Variants in CCSER1 observed in about 807,000 individuals in gnomAD.
CCSER1 encodes coiled-coil serine rich protein 1, also known as serine-rich coiled-coil domain-containing protein 1.
In CCSER1, 41 loss-of-function variants were observed where a neutral mutation model predicts 82.0. The ratio of observed to expected loss-of-function variants is 0.50; its 90% CI spans 0.39 to 0.65. The LOEUF (loss-of-function observed/expected upper bound fraction) is 0.65, where lower values mean the gene tolerates loss of function less well. CCSER1 is among the 30% of genes least tolerant of loss of function. The probability of loss-of-function intolerance (pLI) is 0.00; values close to 1 mark genes in which losing one functional copy is unlikely to be tolerated. For missense variants in CCSER1, 1,119 were observed against 1,064.2 expected (o/e 1.05, Z -0.72); for synonymous variants, 414 against 383.9 (o/e 1.08, Z -0.92).
intron 7 of CCSER1, among the ~76,000 whole-genome samples, chr4:90,785,812 A>T (rs191048809): frequency 6.6e-6 from 1 of 152,308 alleles, no homozygotes; most frequent in South Asian, 2.1e-4. Context: ...TAATGAACAA[A>T]ATGAGTATTG....
At chr4:91,512,238 C>A (rs994365403) in intron 10 of CCSER1, among the ~76,000 whole-genome samples, 1 of 152,152 alleles carries the variant, frequency 6.6e-6, no homozygotes, top group Non-Finnish European at 1.5e-5. Flanking sequence ...CAGACCCACC[C>A]TCAATCTGGA....
intron 10 of CCSER1, among the ~76,000 whole-genome samples, chr4:91,213,899 T>C (rs963722286): frequency 1.3e-5 from 2 of 152,134 alleles, no homozygotes; most frequent in Admixed American, 6.5e-5. Flanking sequence ...TAACTGTTAT[T>C]ACTGTGCTTG....
At chr4:90,645,054 C>T (rs1489311722) in intron 6 of CCSER1, among the ~76,000 whole-genome samples, 1 of 150,874 alleles carries the variant, frequency 6.6e-6, no homozygotes, top group Non-Finnish European at 1.5e-5. Context: ...TGCACTCCAG[C>T]CTGGGCAACA....
chr4:90,288,269 C>T (rs2153464230), intron 1 of CCSER1, among the ~76,000 whole-genome samples: 1 of 152,038 alleles, frequency 6.6e-6, no homozygotes, highest in African/African-American at 2.4e-5. Context: ...CCTTTACTCA[C>T]ACTGCTACTT....
chr4:90,574,251 A>ATTTTTTTTTTTTTTTTTTT (rs777629017), intron 5 of CCSER1, among the ~76,000 whole-genome samples: 5 of 86,074 alleles, frequency 5.8e-5, no homozygotes, highest in African/African-American at 3.0e-4. Context: ...AAACACATTA[A>ATTTTTTTTTTTTTTTTTTT]TTTTTTTTTT....
At position 90,400,115 on chromosome 4, in the gene CCSER1, G is replaced by A. The variant is rs1283015058; in HGVS notation, c.1589G>A (p.Ser530Asn). 4 of 1,587,386 alleles carry A rather than the reference G, an allele frequency of 2.5e-6. No individual in the cohort carries two copies. Among genetic ancestry groups the A allele is most frequent in the Non-Finnish European group, 2.6e-6 (3 of 1,156,994 alleles). The change falls in exon 4 of 11, where the codon AGT becomes AAT. Residue 530 changes from serine to asparagine, a missense_variant. Coordinates refer to ENST00000509176, the MANE Select transcript of CCSER1 (RefSeq NM_001145065.2). ...MLDLEFLEEQ[S>N]LHPSVCREDS... ...GATCTTGAATTTTTAGAGGAACAGA[G>A]TCTTCACCCTTCTGGTAAGTGTTAA...
chr4:91,330,366 G>T (rs1380381112), intron 10 of CCSER1, among the ~76,000 whole-genome samples: 3 of 152,120 alleles, frequency 2.0e-5, no homozygotes, highest in Non-Finnish European at 4.4e-5. Context: ...TTCAAGTCAT[G>T]GTGCTTCAAG....
intron 9 of CCSER1, among the ~76,000 whole-genome samples, chr4:91,038,611 T>G (rs574883233): frequency 1.4e-4 from 21 of 152,204 alleles, no homozygotes; most frequent in Non-Finnish European, 2.6e-4. Context: ...GATCCTGGAC[T>G]TGATATTCCA....
Position 91,183,558 on chromosome 4 carries a change from G to A in CCSER1, c.2217+97564G>A, listed in dbSNP as rs1581729163. 3.9e-5 allele frequency among the ~76,000 whole-genome samples: 6 copies of A among 152,244 alleles called. 1 individual carries two copies. The Middle Eastern group carries it at 0.02, about 518-fold the overall frequency. On this transcript the variant is annotated intron_variant, in intron 10 of 10. Coordinates refer to ENST00000509176, the MANE Select transcript of CCSER1 (RefSeq NM_001145065.2). ...CGTGAGAGGGACAATAATTTTTCCA[G>A]GATCATATCCATGTAATTTAACAAT...
intron 10 of CCSER1, among the ~76,000 whole-genome samples, chr4:91,551,172 G>A (rs1323956208): frequency 1.3e-5 from 2 of 151,908 alleles, no homozygotes; most frequent in African/African-American, 2.4e-5. Context: ...TATATTTGAG[G>A]TAAAAATAAT....
chr4:90,750,511 G>C (rs1748426140), intron 7 of CCSER1, among the ~76,000 whole-genome samples: 1 of 152,104 alleles, frequency 6.6e-6, no homozygotes, highest in Non-Finnish European at 1.5e-5. Context: ...TCAGGTTTCA[G>C]ATTTCTTGAG....
At chr4:91,093,259 C>G (rs760119816) in intron 10 of CCSER1, among the ~76,000 whole-genome samples, 4 of 152,146 alleles carry the variant, frequency 2.6e-5, no homozygotes, top group Non-Finnish European at 5.9e-5. Context: ...CCACGTATAA[C>G]TCCCAGTCCA....
intron 10 of CCSER1, among the ~76,000 whole-genome samples, chr4:91,098,930 A>C (rs1484315729): frequency 1.3e-5 from 2 of 152,202 alleles, no homozygotes; most frequent in African/African-American, 4.8e-5. Flanking sequence ...TATTCTTGGA[A>C]ATAAGAGTTA....
chr4:90,292,468 T>A (rs1054794691), intron 1 of CCSER1, among the ~76,000 whole-genome samples: 1 of 152,040 alleles, frequency 6.6e-6, no homozygotes, highest in South Asian at 2.1e-4. Context: ...CACAAATATA[T>A]TGTGAAAGTG....
intron 6 of CCSER1, among the ~76,000 whole-genome samples, chr4:90,634,015 G>A (rs892425536): frequency 1.1e-4 from 17 of 151,636 alleles, no homozygotes; most frequent in African/African-American, 3.6e-4. Context: ...TGTAGTAAGG[G>A]AAGAGAACTC....
intron 10 of CCSER1, among the ~76,000 whole-genome samples, chr4:91,128,279 T>G (rs1354008247): frequency 6.6e-6 from 1 of 152,080 alleles, no homozygotes; most frequent in African/African-American, 2.4e-5. Context: ...CACCCTCCTT[T>G]TATAATCATT....
At position 90,312,203 on chromosome 4, in the gene CCSER1, A is replaced by T. The variant is rs534582073; in HGVS notation, c.1325-660A>T. ...AGGCTGTGTAGGGCTGGAGCATGCC[A>T]GTGATGTACCAGAGCAGCAAGAGTC... On this transcript the variant is annotated intron_variant, in intron 2 of 10. Coordinates refer to ENST00000509176, the MANE Select transcript of CCSER1 (RefSeq NM_001145065.2). Among the ~76,000 whole-genome samples, 13 of 152,214 alleles carry T rather than the reference A, an allele frequency of 8.5e-5. No homozygotes were observed. In the East Asian group the frequency reaches 2.5e-3, roughly 29 times the overall value.
At chr4:90,286,860 C>A (rs1729994308) in intron 1 of CCSER1, among the ~76,000 whole-genome samples, 1 of 151,986 alleles carries the variant, frequency 6.6e-6, no homozygotes, top group Non-Finnish European at 1.5e-5. Flanking sequence ...GGCCTGTCTT[C>A]ATGACTTGAT....
chr4:90,959,583 ATAACT>A (rs911946396), intron 9 of CCSER1, among the ~76,000 whole-genome samples: 3 of 152,302 alleles, frequency 2.0e-5, no homozygotes, highest in African/African-American at 4.8e-5. Flanking sequence ...AATCCTAAAA[ATAACT>A]TAAAGTGCCC....
Sources: allele counts gnomAD v4.1 joint callset (sites outside exome capture counted in the v4.1 genomes callset), GRCh38; gene constraint gnomAD v4.1.1; transcripts MANE v1.5; gene names NCBI Gene and HGNC (gene_info 2026-07-23, HGNC 2026-07-21).